The following IMMP2L variants were observed in gnomAD, a reference collection of about 807,000 sequenced individuals.
The protein encoded by IMMP2L is inner mitochondrial membrane peptidase subunit 2, also known as mitochondrial inner membrane protease subunit 2.
In IMMP2L, 18 loss-of-function variants were observed where a neutral mutation model predicts 19.3. The observed-to-expected ratio is 0.93, with a 90% CI of 0.64 to 1.38. The LOEUF is 1.38. Ranked by LOEUF, IMMP2L falls within the 40% of genes most tolerant of loss-of-function variation. The pLI is 0.00. For missense variants in IMMP2L, 233 were observed against 218.2 expected (o/e 1.07, Z -0.43); for synonymous variants, 76 against 73.0 (o/e 1.04, Z -0.21).
chr7:110,983,362 C>T (rs946603792), intron 3 of IMMP2L, among the ~76,000 whole-genome samples: 4 of 151,952 alleles, frequency 2.6e-5, no homozygotes, highest in Non-Finnish European at 4.4e-5. Context: ...AATGCTGTAA[C>T]TTGACAGATT....
At chr7:110,925,185 A>G (rs1479078694) in intron 4 of IMMP2L, among the ~76,000 whole-genome samples, 1 of 152,118 alleles carries the variant, frequency 6.6e-6, no homozygotes, top group Non-Finnish European at 1.5e-5. Flanking sequence ...TAGCTTTTAT[A>G]TTTCTATACG....
intron 5 of IMMP2L, among the ~76,000 whole-genome samples, chr7:110,715,702 G>T (rs1460483231): frequency 1.3e-5 from 2 of 152,092 alleles, no homozygotes; most frequent in African/African-American, 2.4e-5. Context: ...CATGTTCGGG[G>T]TGTAGATGAG....
intron 3 of IMMP2L, among the ~76,000 whole-genome samples, chr7:111,323,359 T>A (rs258921): frequency 0.55 from 83,290 of 151,718 alleles, 23,377 homozygotes; most frequent in South Asian, 0.71. Context: ...TCAAAAGAAG[T>A]CATTTATGCA....
intron 1 of IMMP2L, among the ~76,000 whole-genome samples, chr7:111,547,365 G>T (rs193200654): frequency 2.2e-4 from 33 of 152,160 alleles, no homozygotes; most frequent in African/African-American, 7.7e-4. Flanking sequence ...TGTTAAAGAT[G>T]AGACCTCTAA....
rs11418566 is a variant in IMMP2L at position 111,310,232 on chromosome 7, C to CAA, written c.239+177004_239+177005dup. Among the ~76,000 whole-genome samples, 510 of 134,640 alleles carry CAA rather than the reference C, an allele frequency of 3.8e-3. 3 individuals carry two copies. The highest frequency in any genetic ancestry group is 5.8e-3 in the Non-Finnish European group (371 of 63,600). The allele number at this position is 134,640 out of a possible 152,430, so 88.3% of individuals were successfully genotyped here. The stretch of plus-strand genomic sequence containing the variant: ...TGGGCAACAGAGCGAGACTCCATCT[C>CAA]AAAAAAAAAAAAAATCTAAGACTTT... On this transcript the variant is annotated intron_variant, in intron 3 of 5. Coordinates refer to ENST00000405709, the MANE Select transcript of IMMP2L (RefSeq NM_032549.4).
At chr7:111,234,076 A>T (rs2129625622) in intron 3 of IMMP2L, among the ~76,000 whole-genome samples, 1 of 152,072 alleles carries the variant, frequency 6.6e-6, no homozygotes, top group South Asian at 2.1e-4. Context: ...ATTTCCCTTT[A>T]AGTATTGTTT....
intron 1 of IMMP2L, among the ~76,000 whole-genome samples, chr7:111,523,300 AAT>A (rs1435072864): frequency 1.2e-4 from 19 of 152,064 alleles, no homozygotes; most frequent in African/African-American, 3.6e-4. Context: ...AAAAATGATA[AAT>A]ATGTTAGGTA....
chr7:111,196,781 C>T (rs1030648630), intron 3 of IMMP2L, among the ~76,000 whole-genome samples: 2 of 152,086 alleles, frequency 1.3e-5, no homozygotes, highest in Non-Finnish European at 2.9e-5. Context: ...GTTTATATAT[C>T]CATATAGCTT....
chr7:111,211,991 C>T (rs993993211), intron 3 of IMMP2L, among the ~76,000 whole-genome samples: 3 of 152,054 alleles, frequency 2.0e-5, no homozygotes, highest in Non-Finnish European at 4.4e-5. Flanking sequence ...AGCAAGACTC[C>T]GTCTCAAAAA....
intron 2 of IMMP2L, among the ~76,000 whole-genome samples, chr7:111,520,382 T>C (rs1167359338): frequency 6.6e-6 from 1 of 152,078 alleles, no homozygotes; most frequent in East Asian, 1.9e-4. Context: ...CCAAAGAAGC[T>C]AAAGGATTTC....
At chr7:111,527,961 G>C (rs79074544) in intron 1 of IMMP2L, among the ~76,000 whole-genome samples, 2,499 of 152,194 alleles carry the variant, frequency 0.016, 65 homozygotes, top group African/African-American at 0.057. Flanking sequence ...AAAAGAAAAC[G>C]CTCAATTCAG....
chr7:111,087,677 A>G (rs1796474156), intron 3 of IMMP2L, among the ~76,000 whole-genome samples: 1 of 152,118 alleles, frequency 6.6e-6, no homozygotes, highest in African/African-American at 2.4e-5. Flanking sequence ...GGAGAATCTT[A>G]TATGCTAAAA....
chr7:110,692,910 GA>G (rs1475917392), intron 5 of IMMP2L, among the ~76,000 whole-genome samples: 4 of 152,096 alleles, frequency 2.6e-5, no homozygotes, highest in African/African-American at 9.7e-5. Flanking sequence ...TGGTACAGAG[GA>G]ACCAGCCCAG....
intron 3 of IMMP2L, among the ~76,000 whole-genome samples, chr7:111,419,726 G>A (rs532484245): frequency 2.6e-5 from 4 of 151,260 alleles, no homozygotes; most frequent in South Asian, 2.1e-4. Context: ...GGCACATATC[G>A]TCAGGACCAC....
At chr7:111,479,413 T>G (rs1001916816) in intron 3 of IMMP2L, among the ~76,000 whole-genome samples, 3 of 152,142 alleles carry the variant, frequency 2.0e-5, no homozygotes, top group Admixed American at 2.0e-4. Context: ...GAAATAGAAA[T>G]CAGCCACTGA....
At chr7:110,843,249 A>G (rs1216576034) in intron 5 of IMMP2L, among the ~76,000 whole-genome samples, 2 of 152,216 alleles carry the variant, frequency 1.3e-5, no homozygotes, top group African/African-American at 4.8e-5. Context: ...AAATCCAAAA[A>G]TGGTAAGCAA....
At chr7:111,176,334 C>A (rs977783991) in intron 3 of IMMP2L, among the ~76,000 whole-genome samples, 1 of 151,976 alleles carries the variant, frequency 6.6e-6, no homozygotes. Context: ...TTTACTGCAA[C>A]ATTATTCACA....
intron 4 of IMMP2L, among the ~76,000 whole-genome samples, chr7:110,949,956 T>G (rs962725925): frequency 6.6e-6 from 1 of 152,240 alleles, no homozygotes; most frequent in Admixed American, 6.5e-5. Context: ...AAAATAAAAA[T>G]TTTTAAATCC....
intron 5 of IMMP2L, among the ~76,000 whole-genome samples, chr7:110,805,634 C>A (rs968682108): frequency 3.3e-5 from 5 of 151,808 alleles, no homozygotes; most frequent in African/African-American, 4.8e-5. Flanking sequence ...GATTTATGAG[C>A]AATTGTGTCA....
Sources: gnomAD v4.1 joint callset for allele counts (sites outside exome capture counted in the v4.1 genomes callset) on GRCh38, gnomAD v4.1.1 for gene constraint, MANE v1.5 for transcripts, NCBI Gene and HGNC (gene_info 2026-07-23, HGNC 2026-07-21) for gene names.